Variants in DSE observed in about 807,000 individuals in gnomAD.
DSE encodes the protein dermatan-sulfate epimerase.
DSE carries 36 observed loss-of-function variants against 84.4 expected under a neutral mutation model. That is an observed-to-expected ratio of 0.43 (90% CI 0.33 to 0.56). The LOEUF is 0.56. Among genes scored for constraint, DSE ranks in the 20% least tolerant of loss-of-function variants. The probability of loss-of-function intolerance (pLI) is 0.06; values close to 1 mark genes in which losing one functional copy is unlikely to be tolerated. For missense variants in DSE, 862 were observed against 1,169.6 expected (o/e 0.74, Z 3.84); for synonymous variants, 410 against 430.1 (o/e 0.95, Z 0.58).
chr6:116,274,709 G>GT (rs1339213315), intron 2 of DSE, among the ~76,000 whole-genome samples: 1 of 152,076 alleles, frequency 6.6e-6, no homozygotes, highest in African/African-American at 2.4e-5. Context: ...TCAAGAAAGT[G>GT]TTGCACAGTA....
chr6:116,417,801 T>A (rs1034186475), intron 2 of DSE, among the ~76,000 whole-genome samples: 1 of 152,186 alleles, frequency 6.6e-6, no homozygotes, highest in Non-Finnish European at 1.5e-5. Context: ...GTTCCCAAAG[T>A]AGATATTGAA....
chr6:116,263,155 C>T (rs1352655268), intron 2 of DSE, among the ~76,000 whole-genome samples: 1 of 152,042 alleles, frequency 6.6e-6, no homozygotes, highest in Non-Finnish European at 1.5e-5. Context: ...GAGTTCAGGT[C>T]CTAAATATCT....
intron 2 of DSE, among the ~76,000 whole-genome samples, chr6:116,411,203 AT>A (rs543208901): frequency 4.9e-4 from 74 of 152,306 alleles, no homozygotes; most frequent in African/African-American, 1.7e-3. Flanking sequence ...TCATAAAAAA[AT>A]ATATCCAATA....
At chr6:116,338,059 A>G (rs981343022) in intron 2 of DSE, among the ~76,000 whole-genome samples, 3 of 152,088 alleles carry the variant, frequency 2.0e-5, no homozygotes, top group African/African-American at 7.2e-5. Flanking sequence ...CACAGAGAAT[A>G]AACTTCATCA....
intron 2 of DSE, among the ~76,000 whole-genome samples, chr6:116,420,329 A>G (rs1363737519): frequency 6.6e-6 from 1 of 152,206 alleles, no homozygotes; most frequent in Non-Finnish European, 1.5e-5. Flanking sequence ...AAAAGGGCCT[A>G]TAGGAGAGAA....
At chr6:116,346,370 A>G (rs1777969789) in intron 2 of DSE, among the ~76,000 whole-genome samples, 1 of 152,362 alleles carries the variant, frequency 6.6e-6, no homozygotes, top group South Asian at 2.1e-4. Flanking sequence ...AAAATCCTCA[A>G]TAAAATACTG....
intron 1 of DSE, among the ~76,000 whole-genome samples, chr6:116,378,795 G>GT (rs998533763): frequency 2.2e-4 from 33 of 151,462 alleles, no homozygotes; most frequent in Admixed American, 1.6e-3. Flanking sequence ...AGATAACCTT[G>GT]TTTTTTTTAA....
intron 2 of DSE, among the ~76,000 whole-genome samples, chr6:116,300,920 G>T (rs1380939607): frequency 6.6e-6 from 1 of 152,130 alleles, no homozygotes; most frequent in Non-Finnish European, 1.5e-5. Flanking sequence ...ATATGATTAT[G>T]ATTCTTAATG....
intron 2 of DSE, among the ~76,000 whole-genome samples, chr6:116,404,747 T>C (rs952107251): frequency 6.6e-6 from 1 of 152,272 alleles, no homozygotes; most frequent in East Asian, 1.9e-4. Flanking sequence ...GGTTTCTTGG[T>C]ACACAGTACT....
At chr6:116,416,581 T>G (rs900226367) in intron 2 of DSE, among the ~76,000 whole-genome samples, 1 of 152,110 alleles carries the variant, frequency 6.6e-6, no homozygotes, top group South Asian at 2.1e-4. Flanking sequence ...TATTAAATTT[T>G]TATAAGATAA....
intron 2 of DSE, among the ~76,000 whole-genome samples, chr6:116,293,307 C>T (rs1449398394): frequency 4.0e-5 from 6 of 148,854 alleles, no homozygotes; most frequent in Non-Finnish European, 8.9e-5. Context: ...GAGTCTTGCT[C>T]TGTCACCAGA....
chr6:116,344,873 G>A (rs1777849593), intron 2 of DSE, among the ~76,000 whole-genome samples: 1 of 152,114 alleles, frequency 6.6e-6, no homozygotes, highest in Non-Finnish European at 1.5e-5. Flanking sequence ...CTGTATTCAG[G>A]AGACCCATCT....
chr6:116,324,989 A>T (rs560699532), intron 2 of DSE, among the ~76,000 whole-genome samples: 1 of 152,192 alleles, frequency 6.6e-6, no homozygotes, highest in African/African-American at 2.4e-5. Flanking sequence ...GAGATTAGCT[A>T]GGGACACATA....
At chr6:116,423,909 T>C (rs1000093781) in intron 2 of DSE, among the ~76,000 whole-genome samples, 3 of 152,208 alleles carry the variant, frequency 2.0e-5, no homozygotes, top group African/African-American at 7.2e-5. Flanking sequence ...TTACATTGAA[T>C]TGGAAACTGT....
chr6:116,324,491 G>T (rs1262804076), intron 2 of DSE, among the ~76,000 whole-genome samples: 2 of 152,174 alleles, frequency 1.3e-5, no homozygotes, highest in Non-Finnish European at 2.9e-5. Flanking sequence ...TTGACTCCAT[G>T]AGTTTTAGAT....
chr6:116,373,742 C>G (rs959371016), intron 1 of DSE, among the ~76,000 whole-genome samples: 1 of 152,118 alleles, frequency 6.6e-6, no homozygotes, highest in Non-Finnish European at 1.5e-5. Flanking sequence ...GTTATAGTCT[C>G]TTTTTAATTT....
intron 2 of DSE, chr6:116,280,138 G>A (rs911652604): frequency 2.8e-5 from 13 of 457,154 alleles, no homozygotes; most frequent in African/African-American, 2.4e-4. Context: ...CCCACCTTGA[G>A]ATGCATCTAG....
chr6:116,346,869 C>A (rs1778009660), intron 2 of DSE, among the ~76,000 whole-genome samples: 1 of 152,174 alleles, frequency 6.6e-6, no homozygotes, highest in South Asian at 2.1e-4. Context: ...ATCTAGAAAA[C>A]CCCATCATCT....
chr6:116,439,426 ATG>A lies in DSE; in HGVS notation c.*2085_*2086del, dbSNP rs1430310940. On this transcript the variant is annotated 3_prime_UTR_variant, in exon 6 of 6. Transcript: ENST00000644252. ...CTTTAAAACAAAATGAATTAAAATT[ATG>A]TGTTTTTTTTTTTTCTTCTAATGAA... 4 of 113,756 alleles carry A rather than the reference ATG, an allele frequency of 3.5e-5. No individual in the cohort carries two copies. Among genetic ancestry groups the A allele is most frequent in the African/African-American group, 1.2e-4 (4 of 34,612 alleles). 7.0% of individuals were successfully genotyped at this position (113,756 alleles called of 1,614,324 possible).
Sources: allele counts gnomAD v4.1 joint callset (sites outside exome capture counted in the v4.1 genomes callset), GRCh38; gene constraint gnomAD v4.1.1; transcripts MANE v1.5; gene names NCBI Gene and HGNC (gene_info 2026-07-23, HGNC 2026-07-21).